The following LPIN2 variants were observed in gnomAD, a reference collection of about 807,000 sequenced individuals.
LPIN2 encodes the protein lipin 2, also known as phosphatidate phosphatase LPIN2.
A neutral mutation model predicts 111.4 loss-of-function variants in LPIN2; 55 were observed. The observed-to-expected ratio is 0.49, with a 90% CI of 0.40 to 0.62. The LOEUF is 0.62. LPIN2 is among the 20% of genes least tolerant of loss of function. The pLI, the probability that LPIN2 is intolerant of heterozygous loss-of-function variation, is 0.00. For missense variants in LPIN2, 992 were observed against 1,112.1 expected (o/e 0.89, Z 1.54); for synonymous variants, 425 against 414.0 (o/e 1.03, Z -0.32).
chr18:2,962,930 T>C (rs953649980), intron 1 of LPIN2, among the ~76,000 whole-genome samples: 2 of 152,242 alleles, frequency 1.3e-5, no homozygotes, highest in African/African-American at 4.8e-5. Context: ...TGTAACAAGC[T>C]TCCATCAACT....
intron 1 of LPIN2, among the ~76,000 whole-genome samples, chr18:2,994,667 G>A (rs1478116685): frequency 1.3e-5 from 2 of 152,024 alleles, no homozygotes; most frequent in African/African-American, 4.8e-5. Context: ...GACATTTTTG[G>A]TCAGATAATT....
In LPIN2 at chr18:2,960,643, A is replaced by G. The variant is rs1423924170; in HGVS notation, c.192+6T>C. ...GATGACTTTTCCTCTCCTTGAGGAC[A>G]CTCACCACTTTCTCTTTGGATCTCA... is the stretch of plus-strand genomic sequence containing the variant. On this transcript the variant is annotated splice_donor_region_variant and intron_variant, in intron 2 of 19. Transcript: ENST00000677752. The G allele has an allele frequency of 6.2e-7, 1 of 1,613,866 alleles. No individual in the cohort carries two copies. The highest frequency in any genetic ancestry group is 8.5e-7 in the Non-Finnish European group (1 of 1,179,912).
intron 2 of LPIN2, among the ~76,000 whole-genome samples, chr18:2,956,081 A>T (rs2077608272): frequency 6.7e-6 from 1 of 150,342 alleles, no homozygotes; most frequent in Non-Finnish European, 1.5e-5. Flanking sequence ...ACTCCAAACA[A>T]ACATTGTGCA....
chr18:2,964,222 G>A (rs2077754616), intron 1 of LPIN2, among the ~76,000 whole-genome samples: 1 of 133,144 alleles, frequency 7.5e-6, no homozygotes, highest in African/African-American at 2.9e-5. Context: ...AGCGGAGGGT[G>A]CAGTGAGCCG....
At chr18:2,967,515 G>A (rs2077826678) in intron 1 of LPIN2, 1 of 152,268 alleles carries the variant, frequency 6.6e-6, no homozygotes. Flanking sequence ...TCCCCCAGGG[G>A]CTTGCCCACA....
rs781500548 is a variant in LPIN2 at position 2,920,333 on chromosome 18, C to T, written c.2651G>A (p.Arg884Gln). ...CAGGTCCACTTCAGGGATCGGGTCT[C>T]GCCAGTAGCAGAAGGAGCTGAACTC... The part of the protein sequence containing the change: ...CPEFSSFCYW[R>Q]DPIPEVDLDD... The change falls in exon 20 of 20, where the codon CGA (arginine) becomes CAA (glutamine). Residue 884 changes from arginine to glutamine, a missense_variant. Around this residue, in one of 4 missense-constraint regions of LPIN2, gnomAD observed 185 missense variants for 186.5 expected, o/e 0.99. Transcript: ENST00000677752. 9.3e-6 allele frequency: 15 copies of T among 1,614,134 alleles called. No individual in the cohort carries two copies. Among genetic ancestry groups the T allele is most frequent in the Admixed American group, 6.7e-5 (4 of 60,030 alleles).
intron 3 of LPIN2, among the ~76,000 whole-genome samples, chr18:2,953,296 T>C (rs951163420): frequency 6.6e-5 from 10 of 152,160 alleles, no homozygotes; most frequent in African/African-American, 2.4e-4. Flanking sequence ...CGGTGCCTGC[T>C]GATCTAGAAG....
chr18:2,994,498 T>C (rs1425744466), intron 1 of LPIN2, among the ~76,000 whole-genome samples: 1 of 152,238 alleles, frequency 6.6e-6, no homozygotes, highest in African/African-American at 2.4e-5. Flanking sequence ...TTTTTAATGA[T>C]ATATCATAGT....
intron 2 of LPIN2, among the ~76,000 whole-genome samples, chr18:2,956,622 A>T (rs1318281586): frequency 6.6e-6 from 1 of 152,218 alleles, no homozygotes; most frequent in African/African-American, 2.4e-5. Flanking sequence ...TAACAGTCAA[A>T]CTGGGACAAT....
chr18:2,949,487 A>T (rs1042806125), intron 4 of LPIN2, among the ~76,000 whole-genome samples: 1 of 152,168 alleles, frequency 6.6e-6, no homozygotes, highest in Admixed American at 6.5e-5. Context: ...GTTTAGTTCT[A>T]TTGGAGAAAT....
rs765566027 is a variant in LPIN2 at position 2,931,387 on chromosome 18, T to G, written c.1325A>C (p.Gln442Pro). The G allele has an allele frequency of 1.2e-6, 2 of 1,611,198 alleles. No individual in the cohort carries two copies. The highest frequency in any genetic ancestry group is 1.7e-6 in the Non-Finnish European group (2 of 1,178,636). ...WPESDTLSGS[Q>P]SPQSVGSAAA... ...TGCGCTTCCCACGGACTGTGGGGAC[T>G]GGGAGCCAGAGAGTGTGTCAGACTC... is the stretch of plus-strand genomic sequence containing the variant. Residue 442 changes from glutamine (Q) to proline (P), a missense_variant, in exon 9 of 20, where the codon CAG (glutamine) becomes CCG (proline). Transcript: ENST00000677752.
rs869052239 is a variant in LPIN2, at chr18:2,923,420, C to CAAA, written c.2174+352_2174+354dup. 1.6e-3 allele frequency among the ~76,000 whole-genome samples: 43 copies of CAAA among 26,594 alleles called. 1 individual carries two copies. Among genetic ancestry groups the CAAA allele is most frequent in the South Asian group, 7.9e-3 (4 of 508 alleles). The allele number at this position is 26,594 out of a possible 152,430, so 17.4% of individuals were successfully genotyped here. A position where few individuals can be genotyped will look rare whatever the true frequency, so the allele number is the denominator to read the frequency against. On this transcript the variant is annotated intron_variant, in intron 16 of 19. Coordinates refer to ENST00000677752, the MANE Select transcript of LPIN2 (RefSeq NM_001375808.2). ...GGGCGACAAGAGCAAAACTCCATCT[C>CAAA]AAAAAAAAAAAAAAAAAAAAAAAAA...
At chr18:2,998,807 T>C (rs1303115676) in intron 1 of LPIN2, among the ~76,000 whole-genome samples, 1 of 152,196 alleles carries the variant, frequency 6.6e-6, no homozygotes, top group Non-Finnish European at 1.5e-5. Flanking sequence ...TGCCAGGATA[T>C]AGATACGGTT....
At chr18:2,957,841 T>C (rs945366768) in intron 2 of LPIN2, among the ~76,000 whole-genome samples, 1 of 152,098 alleles carries the variant, frequency 6.6e-6, no homozygotes, top group Admixed American at 6.5e-5. Context: ...TTTAATACAC[T>C]GGGTTATTTA....
chr18:2,938,062 A>C (rs1184404740), intron 6 of LPIN2, 25 bp from the exon 7 acceptor site: 1 of 1,544,834 alleles, frequency 6.5e-7, no homozygotes, highest in Non-Finnish European at 8.9e-7. Flanking sequence ...TTGTTTAAAA[A>C]TTAAACTACT....
At chr18:2,927,676 T>C (rs181972748) in intron 12 of LPIN2, 46 bp downstream of exon 12, 63 of 1,581,184 alleles carry the variant, frequency 4.0e-5, no homozygotes, top group Middle Eastern at 3.3e-4. Flanking sequence ...AAATGAAAGA[T>C]TCATTTCTTT....
Position 2,920,167 on chromosome 18 carries a change from G to C in LPIN2, c.*126C>G. 2.3e-6 allele frequency: 3 copies of C among 1,332,368 alleles called. No homozygotes were observed. In the South Asian group the frequency reaches 3.7e-5, roughly 16 times the overall value. 82.5% of individuals were successfully genotyped at this position (1,332,368 alleles called of 1,614,324 possible). ...CCTGGGAAGGCAAAGGAGGATGGCGGGACCAGCTCCAGAAGCACCCGTCCC... is the reference window on the plus strand; with the variant it reads ...CCTGGGAAGGCAAAGGAGGATGGCGCGACCAGCTCCAGAAGCACCCGTCCC... On this transcript the variant is annotated 3_prime_UTR_variant, in exon 20 of 20. Transcript: ENST00000677752.
intron 1 of LPIN2, among the ~76,000 whole-genome samples, chr18:2,979,312 T>C (rs905182508): frequency 6.6e-6 from 1 of 152,214 alleles, no homozygotes; most frequent in Non-Finnish European, 1.5e-5. Context: ...CCAGGCACTC[T>C]AACGCACTGA....
At chr18:3,003,679 A>G (rs142232569) in intron 1 of LPIN2, among the ~76,000 whole-genome samples, 13,062 of 152,186 alleles carry the variant, frequency 0.086, 1,374 homozygotes, top group African/African-American at 0.26. Flanking sequence ...CGTTATCTTC[A>G]TAAGCTGAGA....
Sources: allele counts gnomAD v4.1 joint callset (sites outside exome capture counted in the v4.1 genomes callset), GRCh38; gene constraint gnomAD v4.1.1; regional missense constraint gnomAD v4.1.1; transcripts MANE v1.5; gene names NCBI Gene and HGNC (gene_info 2026-07-23, HGNC 2026-07-21).